TNNT3: variants seen among roughly 807,000 people sequenced by gnomAD.
TNNT3 encodes the protein troponin T3, fast skeletal type.
In TNNT3, 36 loss-of-function variants were observed where a neutral mutation model predicts 54.2. The observed-to-expected ratio is 0.66, with a 90% CI of 0.51 to 0.88. The LOEUF is 0.88. TNNT3 is among the 40% of genes least tolerant of loss of function. The probability of loss-of-function intolerance (pLI) is 0.00; values close to 1 mark genes in which losing one functional copy is unlikely to be tolerated. For missense variants in TNNT3, 291 were observed against 331.6 expected, an observed-to-expected ratio of 0.88 and a Z score of 0.95; for synonymous variants, 120 against 109.7, an observed-to-expected ratio of 1.09 and a Z score of -0.59.
rs370463417 is a variant in TNNT3 at position 1,936,287 on chromosome 11, G to C, written c.682-676G>C. On this transcript the variant is annotated intron_variant, in intron 14 of 15. Transcript: ENST00000278317. ...GCCGGGTCCGCCCTGGGCCAGGCCC[G>C]TGGGTGTGCGTTGCACGGTGAGGTG... The C allele has an allele frequency of 6.8e-6, 11 of 1,611,248 alleles. 1 individual carries two copies. The South Asian group carries it at 1.1e-4, about 16-fold the overall frequency.
At chr11:1,929,024 G>A (rs777389255) in intron 6 of TNNT3, 96 bp from the exon 7 acceptor site, 4 of 1,408,332 alleles carry the variant, frequency 2.8e-6, no homozygotes, top group Non-Finnish European at 4.0e-6. Context: ...AGAGGGGTGG[G>A]CCCCTTGCCC....
chr11:1,928,724 C>T (rs900190845), intron 6 of TNNT3, among the ~76,000 whole-genome samples: 2 of 152,198 alleles, frequency 1.3e-5, no homozygotes, highest in Non-Finnish European at 2.9e-5. Flanking sequence ...GGGCTGCACC[C>T]ACCCCGGCTG....
chr11:1,934,346 A>G lies in TNNT3; in HGVS notation c.381A>G (p.Arg127=). The change falls in exon 12 of 16, where the codon AGA becomes AGG. Residue 127 remains arginine, a synonymous_variant. Coordinates refer to ENST00000278317, the MANE Select transcript of TNNT3 (RefSeq NM_006757.4). ...GGTCTCCACAGGAGGAAAAGGCCAGAAGGGAGGAGGAGGATGCCAAGAGGA... is the reference window on the plus strand; with the variant it reads ...GGTCTCCACAGGAGGAAAAGGCCAGGAGGGAGGAGGAGGATGCCAAGAGGA... ...RQNRLAEEKA[R]REEEDAKRRA... is the part of the protein sequence containing the mutation. 6.2e-7 allele frequency: 1 copy of G among 1,613,694 alleles called. No individual in the cohort carries two copies. The highest frequency in any genetic ancestry group is 8.5e-7 in the Non-Finnish European group (1 of 1,179,938).
intron 15 of TNNT3, among the ~76,000 whole-genome samples, chr11:1,938,022 C>T (rs1855665835): frequency 6.6e-6 from 1 of 152,224 alleles, no homozygotes; most frequent in Admixed American, 6.5e-5. Flanking sequence ...GGCTCGTGGC[C>T]ACATGAAGAC....
chr11:1,926,662 G>T (rs746758704), intron 5 of TNNT3, 33 bp from the exon 6 acceptor site: 2 of 1,613,068 alleles, frequency 1.2e-6, no homozygotes, highest in Non-Finnish European at 1.7e-6. Context: ...TCTCTCTCCC[G>T]CCCTTTCTGC....
chr11:1,931,760 C>A (rs1853446713), intron 8 of TNNT3, among the ~76,000 whole-genome samples: 1 of 134,452 alleles, frequency 7.4e-6, no homozygotes, highest in Non-Finnish European at 1.6e-5. Flanking sequence ...TTTTCATTTG[C>A]GTGGTGTCAT....
intron 1 of TNNT3, among the ~76,000 whole-genome samples, chr11:1,920,840 T>C (rs1849938204): frequency 6.8e-6 from 1 of 147,194 alleles, no homozygotes. Context: ...AGCACACCCC[T>C]GCCACCAGCC....
In TNNT3 at chr11:1,924,806, T is replaced by C. The variant is rs538202673; in HGVS notation, c.50-293T>C. ...CCCCGTGCACAGGCGCCTCCAGGCA[T>C]GGGAATACCAGGCCCCCAGGAGGGT... On this transcript the variant is annotated intron_variant, in intron 4 of 15. Coordinates refer to ENST00000278317, the MANE Select transcript of TNNT3 (RefSeq NM_006757.4). 8.3e-5 allele frequency: 49 copies of C among 587,384 alleles called. No homozygotes were observed. The South Asian group carries it at 9.8e-4, about 12-fold the overall frequency. 36.4% of individuals were successfully genotyped at this position (587,384 alleles called of 1,614,324 possible).
chr11:1,934,356 G>A lies in TNNT3; in HGVS notation c.391G>A (p.Glu131Lys), dbSNP rs370546762. 14 of 1,613,952 alleles carry A rather than the reference G, an allele frequency of 8.7e-6. No homozygotes were observed. Among genetic ancestry groups the A allele is most frequent in the Non-Finnish European group, 1.2e-5 (14 of 1,180,020 alleles). ...LAEEKARREEEDAKRRAEDDL... is the reference protein window; with the variant it reads ...LAEEKARREEKDAKRRAEDDL... ...GGAGGAAAAGGCCAGAAGGGAGGAGGAGGATGCCAAGAGGAGGGCAGAGGA... is the reference window on the plus strand; with the variant it reads ...GGAGGAAAAGGCCAGAAGGGAGGAGAAGGATGCCAAGAGGAGGGCAGAGGA... Residue 131 changes from glutamate (E) to lysine (K), a missense_variant, in exon 12 of 16, where the codon GAG becomes AAG. Coordinates refer to ENST00000278317, the MANE Select transcript of TNNT3 (RefSeq NM_006757.4).
intron 6 of TNNT3, chr11:1,927,875 G>A (rs1852079424): frequency 3.3e-5 from 5 of 152,378 alleles, no homozygotes; most frequent in African/African-American, 7.2e-5. Context: ...TCACCGCGCT[G>A]TTCCTTCCGG....
chr11:1,926,513 C>G (rs200627107), intron 5 of TNNT3, 182 bp from the exon 6 acceptor site: 24 of 1,613,014 alleles, frequency 1.5e-5, no homozygotes, highest in Non-Finnish European at 1.9e-5. Context: ...CACATGGGCA[C>G]GTGTGGCCAT....
chr11:1,934,159 C>T, intron 11 of TNNT3, 151 bp downstream of exon 11: 1 of 1,122,124 alleles, frequency 8.9e-7, no homozygotes, highest in Non-Finnish European at 1.3e-6. Context: ...CCCTGCAGAA[C>T]CCCTTGCCAG....
At chr11:1,924,837 G>C (rs1354388002) in intron 4 of TNNT3, 6 of 602,042 alleles carry the variant, frequency 1.0e-5, no homozygotes, top group African/African-American at 3.7e-5. Flanking sequence ...AGGGTGGGAG[G>C]GGCCTCAGAA....
At position 1,938,549 on chromosome 11, in the gene TNNT3, C is replaced by G; in HGVS notation, c.*57C>G. Reference sequence around the variant, plus strand: ...CCTCCGCCCTCTTGCACACCAGGGCCGCTCGTGGGACTCCACATCCTCCAG... The same window carrying G: ...CCTCCGCCCTCTTGCACACCAGGGCGGCTCGTGGGACTCCACATCCTCCAG... On this transcript the variant is annotated 3_prime_UTR_variant, in exon 16 of 16. Transcript: ENST00000278317. 6.5e-7 allele frequency: 1 copy of G among 1,546,892 alleles called. No individual in the cohort carries two copies. Among genetic ancestry groups the G allele is most frequent in the South Asian group, 1.1e-5 (1 of 88,780 alleles).
rs1458460642 is a variant in TNNT3, at chr11:1,929,762, C to T, written c.107-48C>T. 1.9e-6 allele frequency: 3 copies of T among 1,550,688 alleles called. No individual in the cohort carries two copies. In the Admixed American group the frequency reaches 5.9e-5, roughly 30 times the overall value. On this transcript the variant is annotated intron_variant, in intron 7 of 15. Transcript: ENST00000278317. Reference sequence around the variant, plus strand: ...TCTCACCCAGGCTGTCTCTCTCCCTCTCCCCACGCTGGTGTCCCTCTCCCT... The same window carrying T: ...TCTCACCCAGGCTGTCTCTCTCCCTTTCCCCACGCTGGTGTCCCTCTCCCT...
At chr11:1,937,103 G>A (rs764083494) in intron 15 of TNNT3, 100 bp downstream of exon 15, 6 of 1,319,098 alleles carry the variant, frequency 4.5e-6, no homozygotes, top group East Asian at 2.5e-5. Context: ...GGCTGGCCTC[G>A]GCAGGGCAGT....
chr11:1,922,338 G>A (rs1850300726), intron 1 of TNNT3, among the ~76,000 whole-genome samples: 2 of 152,122 alleles, frequency 1.3e-5, no homozygotes, highest in South Asian at 4.1e-4. Context: ...GGGAATGGTA[G>A]GGTGAGCAGA....
intron 3 of TNNT3, 111 bp from the exon 4 acceptor site, chr11:1,923,444 G>T (rs1334883101): frequency 2.5e-6 from 3 of 1,181,516 alleles, no homozygotes; most frequent in Non-Finnish European, 3.8e-6. Flanking sequence ...CTTGGGCAGG[G>T]GCAGTCGCTG....
At chr11:1,935,790 C>T (rs1269824729) in intron 14 of TNNT3, among the ~76,000 whole-genome samples, 3 of 152,034 alleles carry the variant, frequency 2.0e-5, no homozygotes, top group Admixed American at 6.5e-5. Context: ...CCAGGTGCAG[C>T]AGGTGTGGGG....
Sources: allele counts gnomAD v4.1 joint callset (sites outside exome capture counted in the v4.1 genomes callset), GRCh38; gene constraint gnomAD v4.1.1; transcripts MANE v1.5; gene names NCBI Gene and HGNC (gene_info 2026-07-23, HGNC 2026-07-21).